The following ARHGAP26 variants were observed in gnomAD, a reference collection of about 807,000 sequenced individuals.
ARHGAP26 encodes the protein Rho GTPase activating protein 26, also known as rho GTPase-activating protein 26.
A neutral mutation model predicts 104.8 loss-of-function variants in ARHGAP26; 38 were observed. The ratio of observed to expected loss-of-function variants is 0.36; its 90% confidence interval spans 0.28 to 0.48. The LOEUF (loss-of-function observed/expected upper bound fraction) is 0.48. ARHGAP26 is among the 20% of genes least tolerant of loss of function. The pLI is 0.99. For missense variants in ARHGAP26, 704 were observed against 947.9 expected, an observed-to-expected ratio of 0.74 and a Z score of 3.38; for synonymous variants, 341 against 340.0, an observed-to-expected ratio of 1.00 and a Z score of -0.03.
At chr5:142,866,208 CG>C (rs1404921422) in intron 1 of ARHGAP26, among the ~76,000 whole-genome samples, 3 of 152,118 alleles carry the variant, frequency 2.0e-5, no homozygotes, top group Non-Finnish European at 4.4e-5. Flanking sequence ...CCTTAAGGCA[CG>C]GAATGTATAC....
intron 20 of ARHGAP26, among the ~76,000 whole-genome samples, chr5:143,149,470 A>T (rs1293768260): frequency 6.6e-6 from 1 of 151,910 alleles, no homozygotes; most frequent in Non-Finnish European, 1.5e-5. Context: ...CACTTCTCAA[A>T]CCCCAGGCAG....
intron 11 of ARHGAP26, among the ~76,000 whole-genome samples, chr5:143,002,278 A>G (rs1777285698): frequency 6.6e-6 from 1 of 151,832 alleles, no homozygotes; most frequent in Non-Finnish European, 1.5e-5. Context: ...TGTGCTGCAT[A>G]CCATCCCGAG....
At chr5:142,993,157 G>GTT (rs1775876359) in intron 11 of ARHGAP26, among the ~76,000 whole-genome samples, 1 of 133,066 alleles carries the variant, frequency 7.5e-6, no homozygotes, top group Non-Finnish European at 1.6e-5. Flanking sequence ...ATTTTTGTGT[G>GTT]GTTTTTTTTT....
At chr5:142,954,811 C>CT (rs1768953010) in intron 11 of ARHGAP26, among the ~76,000 whole-genome samples, 1 of 152,252 alleles carries the variant, frequency 6.6e-6, no homozygotes, top group East Asian at 1.9e-4. Context: ...CAGTATCTGT[C>CT]TAAGGGTTTT....
intron 11 of ARHGAP26, among the ~76,000 whole-genome samples, chr5:142,990,508 A>G (rs1215289449): frequency 1.3e-5 from 2 of 152,126 alleles, no homozygotes; most frequent in Non-Finnish European, 2.9e-5. Flanking sequence ...GCTGGTGAGG[A>G]GCTGCATTCC....
chr5:142,788,250 C>G (rs1323266568), intron 1 of ARHGAP26, among the ~76,000 whole-genome samples: 2 of 152,146 alleles, frequency 1.3e-5, no homozygotes, highest in Non-Finnish European at 2.9e-5. Context: ...ATCCACCCAC[C>G]TTGGCCTCCC....
intron 14 of ARHGAP26, 134 bp from the exon 15 acceptor site, chr5:143,054,305 T>TA (rs1257448483): frequency 3.2e-5 from 18 of 570,488 alleles, no homozygotes; most frequent in South Asian, 9.4e-5. Flanking sequence ...ATTTAATAGG[T>TA]AAAAAAAATA....
At chr5:142,837,807 C>T (rs962798323) in intron 1 of ARHGAP26, among the ~76,000 whole-genome samples, 1 of 152,150 alleles carries the variant, frequency 6.6e-6, no homozygotes, top group Non-Finnish European at 1.5e-5. Flanking sequence ...TTAGGACTAA[C>T]TCAAACAATA....
intron 11 of ARHGAP26, among the ~76,000 whole-genome samples, chr5:142,961,295 A>G (rs1234934643): frequency 6.6e-6 from 1 of 151,882 alleles, no homozygotes; most frequent in Admixed American, 6.6e-5. Context: ...GTTCCAGACT[A>G]GCCTGGGCAA....
intron 1 of ARHGAP26, among the ~76,000 whole-genome samples, chr5:142,773,086 A>G (rs1755572320): frequency 6.6e-6 from 1 of 152,064 alleles, no homozygotes; most frequent in Non-Finnish European, 1.5e-5. Flanking sequence ...AGGTCAGGTG[A>G]CCTCTAAAAA....
chr5:143,102,899 G>A lies in ARHGAP26; in HGVS notation c.1539-18089G>A, dbSNP rs1793461569. Among the ~76,000 whole-genome samples the A allele has an allele frequency of 2.6e-5, 4 of 151,916 alleles. No homozygotes were observed. The South Asian group carries it at 8.3e-4, about 32-fold the overall frequency. ...CCTCTATGAAATAGACCAGGGAAGA[G>A]GCAGCACAATCCATTTTTGGTCTCT... On this transcript the variant is annotated intron_variant, in intron 17 of 22. Transcript: ENST00000645722.
intron 1 of ARHGAP26, among the ~76,000 whole-genome samples, chr5:142,839,207 C>T (rs76793483): frequency 6.7e-6 from 1 of 150,194 alleles, no homozygotes; most frequent in Non-Finnish European, 1.5e-5. Flanking sequence ...TTTGAGTTTA[C>T]TGGGTTTGAG....
intron 11 of ARHGAP26, among the ~76,000 whole-genome samples, chr5:143,013,626 C>T (rs1042376813): frequency 5.3e-5 from 8 of 152,176 alleles, no homozygotes; most frequent in African/African-American, 1.9e-4. Context: ...CATTAGTTAA[C>T]CCCTCTAGGC....
intron 20 of ARHGAP26, chr5:143,173,213 G>A (rs1022221549): frequency 1.9e-5 from 3 of 161,446 alleles, no homozygotes; most frequent in African/African-American, 7.2e-5. Flanking sequence ...AAATGGAACT[G>A]TGCAAGCACA....
chr5:143,065,848 T>C (rs1787399004), intron 17 of ARHGAP26, among the ~76,000 whole-genome samples: 1 of 152,112 alleles, frequency 6.6e-6, no homozygotes. Flanking sequence ...GGGAAAACCT[T>C]TGGCCAGTGG....
At chr5:142,804,638 T>C (rs1198910281) in intron 1 of ARHGAP26, among the ~76,000 whole-genome samples, 2 of 152,134 alleles carry the variant, frequency 1.3e-5, no homozygotes, top group African/African-American at 4.8e-5. Flanking sequence ...AATACAGGCA[T>C]GTGCCACCAC....
intron 20 of ARHGAP26, among the ~76,000 whole-genome samples, chr5:143,151,583 T>G (rs1292633913): frequency 6.6e-6 from 1 of 152,212 alleles, no homozygotes; most frequent in African/African-American, 2.4e-5. Flanking sequence ...CAATGCTATA[T>G]TATTCAATGA....
chr5:142,993,184 A>T (rs1238016622), intron 11 of ARHGAP26, among the ~76,000 whole-genome samples: 1 of 107,780 alleles, frequency 9.3e-6, no homozygotes, highest in Non-Finnish European at 1.8e-5. Context: ...TTTTTTTGAG[A>T]CGGAGTCTCG....
chr5:143,147,983 C>G (rs1392637994), intron 20 of ARHGAP26, among the ~76,000 whole-genome samples: 1 of 152,156 alleles, frequency 6.6e-6, no homozygotes, highest in Non-Finnish European at 1.5e-5. Flanking sequence ...GTCTAGCCCT[C>G]CACAGAAACT....
Sources: gnomAD v4.1 joint callset for allele counts (sites outside exome capture counted in the v4.1 genomes callset) on GRCh38, gnomAD v4.1.1 for gene constraint, MANE v1.5 for transcripts, NCBI Gene and HGNC (gene_info 2026-07-23, HGNC 2026-07-21) for gene names.